Variants in ARFGEF3 observed in about 807,000 individuals in gnomAD.
ARFGEF3 encodes brefeldin A-inhibited guanine nucleotide-exchange protein 3.
A neutral mutation model predicts 221.7 loss-of-function variants in ARFGEF3; 96 were observed. The ratio of observed to expected loss-of-function variants is 0.43; its 90% CI spans 0.37 to 0.51. The LOEUF (loss-of-function observed/expected upper bound fraction) is 0.51. Ranked by LOEUF, ARFGEF3 falls within the 20% of genes least tolerant of loss-of-function variation. ARFGEF3 has a pLI of 0.00. For missense variants in ARFGEF3, 2,410 were observed against 2,789.9 expected, an observed-to-expected ratio of 0.86 and a Z score of 3.07; for synonymous variants, 1,145 against 1,126.8, an observed-to-expected ratio of 1.02 and a Z score of -0.32.
chr6:138,336,140 C>T (rs997616152), intron 33 of ARFGEF3, among the ~76,000 whole-genome samples, 155 bp from the exon 34 acceptor site: 1 of 152,068 alleles, frequency 6.6e-6, no homozygotes, highest in Admixed American at 6.5e-5. Context: ...ATTAATACGC[C>T]TACAATTTAT....
intron 2 of ARFGEF3, among the ~76,000 whole-genome samples, chr6:138,198,021 A>G (rs1037731806): frequency 1.3e-5 from 2 of 152,086 alleles, no homozygotes; most frequent in Non-Finnish European, 2.9e-5. Context: ...GTGTATATTT[A>G]TGTTTGTTTT....
intron 21 of ARFGEF3, among the ~76,000 whole-genome samples, chr6:138,297,977 C>T (rs1409150280): frequency 6.6e-6 from 1 of 152,150 alleles, no homozygotes; most frequent in Non-Finnish European, 1.5e-5. Context: ...AGCAGACCAG[C>T]CCCAGCTTGT....
intron 6 of ARFGEF3, among the ~76,000 whole-genome samples, chr6:138,242,183 T>C (rs1338767704): frequency 6.6e-6 from 1 of 152,218 alleles, no homozygotes; most frequent in African/African-American, 2.4e-5. Flanking sequence ...ACGTGTCCGG[T>C]AATTAGTTGG....
intron 31 of ARFGEF3, among the ~76,000 whole-genome samples, chr6:138,327,807 A>G (rs774124157): frequency 5.9e-5 from 9 of 152,230 alleles, no homozygotes; most frequent in Non-Finnish European, 1.2e-4. Flanking sequence ...ATTAGTGTCA[A>G]CGGCTAACCC....
chr6:138,180,939 C>G (rs1241824193), intron 2 of ARFGEF3, among the ~76,000 whole-genome samples: 3 of 152,192 alleles, frequency 2.0e-5, no homozygotes, highest in African/African-American at 7.2e-5. Context: ...TTCTCTTTTT[C>G]CTTTCCCTGC....
Position 138,336,378 on chromosome 6 carries a change from G to T in ARFGEF3, c.6426G>T (p.Val2142=), listed in dbSNP as rs150354501. 1 of 1,613,216 alleles carries T rather than the reference G, an allele frequency of 6.2e-7. No individual in the cohort carries two copies. The highest frequency in any genetic ancestry group is 1.1e-5 in the South Asian group (1 of 90,788). The change falls in exon 34 of 34, where the codon GTG becomes GTT. Residue 2142 remains valine (V), a synonymous_variant. Transcript: ENST00000251691. ...DQTFTALQPA[V]FPCISQLTCH... ...CCTTCACGGCCCTCCAGCCCGCAGT[G>T]TTCCCGTGCATCAGTCAGCTGACCT...
chr6:138,303,887 A>AAAAAAAAAAAAAAAAAC (rs1779671724), intron 22 of ARFGEF3, among the ~76,000 whole-genome samples: 1 of 150,176 alleles, frequency 6.7e-6, no homozygotes, highest in East Asian at 1.9e-4. Flanking sequence ...AAAAAAAAAA[A>AAAAAAAAAAAAAAAAAC]AGATAATAGC....
intron 10 of ARFGEF3, among the ~76,000 whole-genome samples, chr6:138,260,185 A>T (rs183682530): frequency 6.6e-6 from 1 of 152,292 alleles, no homozygotes; most frequent in Non-Finnish European, 1.5e-5. Context: ...TCTTTTTTTG[A>T]TGTCAACAAA....
At chr6:138,217,618 A>G (rs974593804) in intron 4 of ARFGEF3, 2 of 180,868 alleles carry the variant, frequency 1.1e-5, no homozygotes, top group African/African-American at 4.7e-5. Context: ...GGTATACTAT[A>G]AGTATTGTTT....
chr6:138,179,501 T>G (rs1351462807), intron 2 of ARFGEF3, among the ~76,000 whole-genome samples: 1 of 152,044 alleles, frequency 6.6e-6, no homozygotes, highest in African/African-American at 2.4e-5. Flanking sequence ...TCCCACCACC[T>G]CTCCTCCCTA....
chr6:138,218,305 T>C (rs1465828112), intron 4 of ARFGEF3: 3 of 1,578,368 alleles, frequency 1.9e-6, no homozygotes, highest in Middle Eastern at 1.7e-4. Flanking sequence ...CTTGGGAAGT[T>C]ACTTAATCTG....
At chr6:138,171,367 G>A (rs1776826699) in intron 2 of ARFGEF3, among the ~76,000 whole-genome samples, 1 of 152,100 alleles carries the variant, frequency 6.6e-6, no homozygotes, top group African/African-American at 2.4e-5. Flanking sequence ...CAAAACTTAT[G>A]TGAAGGAGTA....
At chr6:138,325,701 A>G (rs541839047) in intron 31 of ARFGEF3, among the ~76,000 whole-genome samples, 1 of 152,352 alleles carries the variant, frequency 6.6e-6, no homozygotes, top group South Asian at 2.1e-4. Context: ...GTGTGCACAC[A>G]GTGGTCTCTG....
chr6:138,272,970 A>C (rs1779031563), intron 12 of ARFGEF3, among the ~76,000 whole-genome samples: 1 of 152,240 alleles, frequency 6.6e-6, no homozygotes, highest in South Asian at 2.1e-4. Context: ...CCACCAATAG[A>C]GCATTAAGAT....
intron 26 of ARFGEF3, among the ~76,000 whole-genome samples, chr6:138,315,849 C>CAAA (rs11374649): frequency 7.3e-5 from 10 of 137,918 alleles, no homozygotes; most frequent in East Asian, 6.1e-4. Context: ...GACTGCATCT[C>CAAA]AAAAAAAAAA....
chr6:138,201,306 A>G (rs1039758792), intron 2 of ARFGEF3, among the ~76,000 whole-genome samples: 76 of 152,184 alleles, frequency 5.0e-4, no homozygotes, highest in African/African-American at 1.8e-3. Context: ...TGATCCAGCA[A>G]TCCCACTACT....
At chr6:138,175,490 T>C (rs1453450444) in intron 2 of ARFGEF3, among the ~76,000 whole-genome samples, 1 of 152,210 alleles carries the variant, frequency 6.6e-6, no homozygotes, top group Non-Finnish European at 1.5e-5. Context: ...AAGCCATCGA[T>C]AGCTCAGGTT....
intron 2 of ARFGEF3, among the ~76,000 whole-genome samples, chr6:138,200,511 A>G (rs189561408): frequency 2.0e-5 from 3 of 152,334 alleles, no homozygotes; most frequent in African/African-American, 7.2e-5. Flanking sequence ...AGAACCCAGA[A>G]ATAAACCCAA....
chr6:138,217,969 T>C (rs1470874678), intron 4 of ARFGEF3: 4 of 1,576,734 alleles, frequency 2.5e-6, no homozygotes. Flanking sequence ...TGGAAAGGCT[T>C]TGCAGCAGGG....
Sources: allele counts gnomAD v4.1 joint callset (sites outside exome capture counted in the v4.1 genomes callset), GRCh38; gene constraint gnomAD v4.1.1; transcripts MANE v1.5; gene names NCBI Gene and HGNC (gene_info 2026-07-23, HGNC 2026-07-21).